PSME4: variants seen among roughly 807,000 people sequenced by gnomAD.
PSME4 encodes proteasome activator complex subunit 4.
In PSME4, 89 loss-of-function variants were observed where a neutral mutation model predicts 253.9. The observed-to-expected ratio is 0.35, with a 90% CI of 0.30 to 0.42. The LOEUF (loss-of-function observed/expected upper bound fraction) is 0.42, where lower values mean the gene tolerates loss of function less well. Among genes scored for constraint, PSME4 ranks in the 10% least tolerant of loss-of-function variants. PSME4 has a pLI of 1.00. For synonymous variants in PSME4, 851 were observed against 759.2 expected (o/e 1.12, Z -1.99); for missense variants, 2,014 against 2,195.2 (o/e 0.92, Z 1.65).
At chr2:53,940,945 A>ATATATATATATT (rs1669385335) in intron 3 of PSME4, among the ~76,000 whole-genome samples, 1 of 34,236 alleles carries the variant, frequency 2.9e-5, no homozygotes, top group Non-Finnish European at 4.8e-5. Flanking sequence ...ATATAAATAT[A>ATATATATATATT]TATATACATA....
chr2:53,881,535 T>G (rs1679390192), intron 41 of PSME4: 1 of 152,104 alleles, frequency 6.6e-6, no homozygotes, highest in Non-Finnish European at 1.5e-5. Context: ...AAACTCACAC[T>G]CTTTATATAG....
In PSME4 at chr2:53,932,770, T is replaced by A; in HGVS notation, c.958-10A>T. 6.2e-7 allele frequency: 1 copy of A among 1,603,222 alleles called. No homozygotes were observed. The highest frequency in any genetic ancestry group is 8.5e-7 in the Non-Finnish European group (1 of 1,170,198). On this transcript the variant is annotated splice_polypyrimidine_tract_variant and intron_variant, in intron 8 of 46. Coordinates refer to ENST00000404125, the MANE Select transcript of PSME4 (RefSeq NM_014614.3). ...GCTTACTTGGTCCACCCTGTCCAGA[T>A]AAAAGAGTAAAAATGTCAGTACCCA...
intron 26 of PSME4, among the ~76,000 whole-genome samples, chr2:53,905,408 A>G (rs1680608678): frequency 6.6e-6 from 1 of 152,016 alleles, no homozygotes; most frequent in South Asian, 2.1e-4. Flanking sequence ...CTTTATCTAA[A>G]ATGTTCAGGT....
chr2:53,874,539 G>C, intron 42 of PSME4, 45 bp from the exon 43 acceptor site: 1 of 1,553,878 alleles, frequency 6.4e-7, no homozygotes. Context: ...GTACTGACAA[G>C]AACATGAGAT....
chr2:53,949,983 G>A (rs1237671187), intron 1 of PSME4, among the ~76,000 whole-genome samples: 2 of 152,068 alleles, frequency 1.3e-5, no homozygotes, highest in African/African-American at 4.8e-5. Context: ...CTTCAATTGA[G>A]ACATAACCAG....
intron 20 of PSME4, among the ~76,000 whole-genome samples, chr2:53,916,890 T>G (rs984374825): frequency 1.3e-5 from 2 of 152,040 alleles, no homozygotes; most frequent in East Asian, 3.8e-4. Flanking sequence ...GACGGAAAAC[T>G]CCCTCTTTTG....
chr2:53,970,603 C>G lies in PSME4; in HGVS notation c.182G>C (p.Arg61Pro), dbSNP rs769511054. 6.5e-7 allele frequency: 1 copy of G among 1,549,686 alleles called. No homozygotes were observed. The highest frequency in any genetic ancestry group is 8.7e-7 in the Non-Finnish European group (1 of 1,146,942). ...QLAQIKCNLG[R>P]AVQLQELWPG... ...CCACAGCTCTTGGAGCTGCACGGCC[C>G]GGCCCAGGTTGCATTTGATCTGGGC... Residue 61 changes from arginine to proline, a missense_variant, in exon 1 of 47, where the codon CGG becomes CCG. By Grantham distance (103) the Arg-to-Pro change is moderately radical. Coordinates refer to ENST00000404125, the MANE Select transcript of PSME4 (RefSeq NM_014614.3).
chr2:53,913,093 T>C (rs1484118976), intron 20 of PSME4, among the ~76,000 whole-genome samples: 1 of 152,220 alleles, frequency 6.6e-6, no homozygotes, highest in Non-Finnish European at 1.5e-5. Flanking sequence ...TAGTATCATT[T>C]AACCTAAGGA....
rs1668608075 is a variant in PSME4 at position 53,927,451 on chromosome 2, A to G, written c.1536T>C (p.Thr512=). The change falls in exon 12 of 47, where the codon ACT becomes ACC. Residue 512 remains threonine, a synonymous_variant. Coordinates refer to ENST00000404125, the MANE Select transcript of PSME4 (RefSeq NM_014614.3). ...ATGAACAATCTACTAAAGGCACCAG[A>G]GTAGAAAATGTTGCTATGAACTGGA... ...ITFQFIATFS[T]LVPLVDCSSV... is the part of the protein sequence containing the mutation. 6.3e-7 allele frequency: 1 copy of G among 1,597,274 alleles called. No individual in the cohort carries two copies. Among genetic ancestry groups the G allele is most frequent in the Non-Finnish European group, 8.6e-7 (1 of 1,164,678 alleles).
intron 1 of PSME4, among the ~76,000 whole-genome samples, chr2:53,950,392 A>G (rs879661647): frequency 1.3e-5 from 2 of 152,240 alleles, no homozygotes; most frequent in Non-Finnish European, 2.9e-5. Context: ...AACAAGTTAC[A>G]TAACTTGTAC....
chr2:53,949,210 C>T lies in PSME4; in HGVS notation c.316G>A (p.Val106Ile). The T allele has an allele frequency of 6.2e-7, 1 of 1,611,780 alleles. No homozygotes were observed. The highest frequency in any genetic ancestry group is 8.5e-7 in the Non-Finnish European group (1 of 1,178,802). The change falls in exon 2 of 47, where the codon GTA becomes ATA. Residue 106 changes from valine (V) to isoleucine (I), a missense_variant. Transcript: ENST00000404125. ...VLFIKLLYEL[V>I]SIPKLEISMM... ...CTGATTTCCAGTTTTGGAATTGATA[C>T]CAGCTCATACAATAACTTAATAAAA...
chr2:53,905,270 C>T (rs1680602639), intron 26 of PSME4, among the ~76,000 whole-genome samples: 1 of 151,980 alleles, frequency 6.6e-6, no homozygotes, highest in South Asian at 2.1e-4. Context: ...AAGTGATCCA[C>T]CTGCCTTGGC....
intron 1 of PSME4, among the ~76,000 whole-genome samples, chr2:53,950,169 G>T (rs924254134): frequency 3.3e-5 from 5 of 152,132 alleles, no homozygotes; most frequent in Middle Eastern, 3.4e-3. Flanking sequence ...CCAGTTACTC[G>T]GGTCGGGGGC....
Position 53,949,270 on chromosome 2 carries a change from A to G in PSME4, c.256T>C (p.Tyr86His), listed in dbSNP as rs747837809. 120 of 1,594,828 alleles carry G rather than the reference A, an allele frequency of 7.5e-5. No individual in the cohort carries two copies. Among genetic ancestry groups the G allele is most frequent in the Admixed American group, 8.6e-5 (5 of 58,272 alleles). Residue 86 changes from tyrosine to histidine, a missense_variant, in exon 2 of 47, where the codon TAT becomes CAT. Transcript: ENST00000404125. ...TRKLSTYIRL[Y>H]GRKFSKEDHV... is the part of the protein sequence containing the mutation. ...TCTTCTTTGCTAAATTTTCTCCCAT[A>G]AAGTCGAATATATCTGCAAGAGAAA...
At chr2:53,890,045 G>C (rs1382626346) in intron 37 of PSME4, 59 bp downstream of exon 37, 1 of 1,265,086 alleles carries the variant, frequency 7.9e-7, no homozygotes. Flanking sequence ...CACTTTGAGA[G>C]ACAGTATCAA....
chr2:53,960,074 A>T (rs1411243311), intron 1 of PSME4, among the ~76,000 whole-genome samples: 1 of 152,210 alleles, frequency 6.6e-6, no homozygotes, highest in African/African-American at 2.4e-5. Flanking sequence ...AGGCAACCTG[A>T]GGTCAAAATA....
Position 53,970,859 on chromosome 2 carries a change from C to T in PSME4, c.-75G>A. 7.9e-7 allele frequency: 1 copy of T among 1,271,890 alleles called. No homozygotes were observed. Among genetic ancestry groups the T allele is most frequent in the Admixed American group, 3.3e-5 (1 of 30,214 alleles). The allele number at this position is 1,271,890 out of a possible 1,614,324, so 78.8% of individuals were successfully genotyped here. On this transcript the variant is annotated 5_prime_UTR_variant, in exon 1 of 47. Transcript: ENST00000404125. ...CCCCACCCCTCTCCGGGCTCCGCCTCCTCCGCGTCTTCGTCGCCCTGCGGC... is the reference window on the plus strand; with the variant it reads ...CCCCACCCCTCTCCGGGCTCCGCCTTCTCCGCGTCTTCGTCGCCCTGCGGC...
intron 1 of PSME4, among the ~76,000 whole-genome samples, chr2:53,968,060 G>T (rs1353749769): frequency 1.3e-5 from 2 of 152,080 alleles, no homozygotes; most frequent in East Asian, 1.9e-4. Flanking sequence ...ATTGCTTGAG[G>T]TCAGGAGTTC....
rs1001022385 is a variant in PSME4, at chr2:53,864,645, T to C, written c.*933A>G. On this transcript the variant is annotated 3_prime_UTR_variant, in exon 47 of 47. Coordinates refer to ENST00000404125, the MANE Select transcript of PSME4 (RefSeq NM_014614.3). ...TATCTCTACAGTTTATACACTCTTT[T>C]ACATTTATATAACATATTAAACAAA... is the stretch of plus-strand genomic sequence containing the variant. 2.0e-5 allele frequency: 3 copies of C among 152,626 alleles called. No individual in the cohort carries two copies. Among genetic ancestry groups the C allele is most frequent in the African/African-American group, 7.2e-5 (3 of 41,440 alleles). The allele number at this position is 152,626 out of a possible 1,614,324, so 9.5% of individuals were successfully genotyped here.
Sources: allele counts gnomAD v4.1 joint callset (sites outside exome capture counted in the v4.1 genomes callset), GRCh38; gene constraint gnomAD v4.1.1; transcripts MANE v1.5; gene names NCBI Gene and HGNC (gene_info 2026-07-23, HGNC 2026-07-21).